The following ARHGAP29 variants were observed in gnomAD, a reference collection of about 807,000 sequenced individuals.
The protein encoded by ARHGAP29 is rho GTPase-activating protein 29.
A neutral mutation model predicts 122.6 loss-of-function variants in ARHGAP29; 43 were observed. That is an observed-to-expected ratio of 0.35 (90% confidence interval 0.27 to 0.45). The LOEUF (loss-of-function observed/expected upper bound fraction) is 0.45, where lower values mean the gene tolerates loss of function less well. Ranked by LOEUF, ARHGAP29 falls within the 20% of genes least tolerant of loss-of-function variation. ARHGAP29 has a pLI of 1.00. For synonymous variants in ARHGAP29, 506 were observed against 497.1 expected (o/e 1.02, Z -0.24); for missense variants, 1,303 against 1,477.2 (o/e 0.88, Z 1.93).
chr1:94,304,788 A>G, the ARHGAP29 span, among the ~76,000 whole-genome samples: 1 of 152,350 alleles, frequency 6.6e-6, no homozygotes, highest in East Asian at 1.9e-4. Flanking sequence ...TAAGAAAAGC[A>G]TGTATTATTC....
chr1:94,179,451 G>A (rs1202429762), intron 20 of ARHGAP29, among the ~76,000 whole-genome samples: 1 of 151,720 alleles, frequency 6.6e-6, no homozygotes, highest in East Asian at 1.9e-4. Context: ...AAAATTAGCT[G>A]GGCATGGTGG....
At chr1:94,207,390 A>C (rs1651271842) in intron 5 of ARHGAP29, among the ~76,000 whole-genome samples, 1 of 152,122 alleles carries the variant, frequency 6.6e-6, no homozygotes, top group Admixed American at 6.5e-5. Context: ...TTTTTATTCC[A>C]ATCTCTAAAA....
rs988783276 is a variant in ARHGAP29 at position 94,188,132 on chromosome 1, G to C, written c.1681+705C>G. Among the ~76,000 whole-genome samples the C allele has an allele frequency of 2.0e-5, 3 of 152,022 alleles. No homozygotes were observed. In the East Asian group the frequency reaches 5.8e-4, roughly 29 times the overall value. ...GAATGTTGGATGTAAGAATCTCATG[G>C]GTTCAACTGCTACCTTCTTCTCCCG... On this transcript the variant is annotated intron_variant, in intron 15 of 22. Transcript: ENST00000260526.
chr1:94,185,124 A>C, intron 17 of ARHGAP29, 64 bp from the exon 18 acceptor site: 1 of 1,445,260 alleles, frequency 6.9e-7, no homozygotes, highest in Non-Finnish European at 9.3e-7. Flanking sequence ...GGCAAACTGC[A>C]GGTGGAAGGT....
the ARHGAP29 span, among the ~76,000 whole-genome samples, chr1:94,292,888 G>A: frequency 2.6e-5 from 4 of 152,214 alleles, no homozygotes; most frequent in African/African-American, 2.4e-5. Flanking sequence ...ACTGGGAGGT[G>A]TCTCCCAATC....
the ARHGAP29 span, among the ~76,000 whole-genome samples, chr1:94,308,783 T>C: frequency 6.6e-6 from 1 of 152,212 alleles, no homozygotes; most frequent in Non-Finnish European, 1.5e-5. Context: ...TGGTGTCCAC[T>C]TGGCATTTAT....
At chr1:94,274,077 A>G (rs1469205180) in intron 1 of ARHGAP29, among the ~76,000 whole-genome samples, 2 of 152,184 alleles carry the variant, frequency 1.3e-5, no homozygotes, top group East Asian at 3.9e-4. Flanking sequence ...TAAGAAAACC[A>G]AGATTTAGAG....
intron 1 of ARHGAP29, among the ~76,000 whole-genome samples, chr1:94,272,050 C>G (rs1380795976): frequency 6.6e-6 from 1 of 152,104 alleles, no homozygotes; most frequent in African/African-American, 2.4e-5. Context: ...GATAATCCCT[C>G]ACTCAATTAT....
At chr1:94,198,551 T>C (rs964724342) in intron 12 of ARHGAP29, among the ~76,000 whole-genome samples, 13 of 152,102 alleles carry the variant, frequency 8.5e-5, no homozygotes, top group Non-Finnish European at 1.6e-4. Flanking sequence ...ACATATGCAC[T>C]TATGTGTACA....
chr1:94,173,832 CACA>C lies in ARHGAP29; in HGVS notation c.*34_*36del, dbSNP rs146805532. ...AAACAAGCACAATACCACAAAATAACACAACAACAACAAAAAAACCCTGAAATT... is the reference window on the plus strand; with the variant it reads ...AAACAAGCACAATACCACAAAATAACACAACAACAAAAAAACCCTGAAATT... On this transcript the variant is annotated 3_prime_UTR_variant, in exon 23 of 23. Coordinates refer to ENST00000260526, the MANE Select transcript of ARHGAP29 (RefSeq NM_004815.4). 3,030 of 1,554,462 alleles carry C rather than the reference CACA, an allele frequency of 1.9e-3. 38 individuals carry two copies. In the African/African-American group the frequency reaches 0.035, roughly 18 times the overall value.
At position 94,236,678 on chromosome 1, in the gene ARHGAP29, A is replaced by C. The variant is rs540252113; in HGVS notation, c.-33+737T>G. Among the ~76,000 whole-genome samples the C allele has an allele frequency of 2.5e-3, 382 of 151,860 alleles. 3 individuals are homozygous for C. The highest frequency in any genetic ancestry group is 0.011 in the East Asian group (59 of 5,170). ...TCCAACTCCAGCTCACCCGCCCCCC[A>C]AAAAATTTTTTTTTTTAATTAAAAC... is the stretch of plus-strand genomic sequence containing the variant. On this transcript the variant is annotated intron_variant, in intron 1 of 22. Transcript: ENST00000260526.
the ARHGAP29 span, among the ~76,000 whole-genome samples, chr1:94,309,523 T>G: frequency 5.9e-5 from 9 of 152,346 alleles, no homozygotes; most frequent in South Asian, 1.7e-3. Context: ...AGACACATTA[T>G]GCACAGATGA....
In ARHGAP29 at chr1:94,195,378, C is replaced by CT. The variant is rs1200830230; in HGVS notation, c.1282-5296dup. On this transcript the variant is annotated intron_variant, in intron 12 of 22. Transcript: ENST00000260526. ...AGGGGAGGTGTTATGAGCATCCACA[C>CT]TGTTTTTTCCTTCACAATGTTTTCT... 1.4e-4 allele frequency: 21 copies of CT among 152,268 alleles called. 1 individual carries two copies. The East Asian group carries it at 3.9e-3, about 28-fold the overall frequency. The allele number at this position is 152,268 out of a possible 1,614,324, so 9.4% of individuals were successfully genotyped here.
At chr1:94,296,620 G>C in the ARHGAP29 span, among the ~76,000 whole-genome samples, 1 of 152,126 alleles carries the variant, frequency 6.6e-6, no homozygotes, top group Admixed American at 6.5e-5. Flanking sequence ...CCTTGCTGGG[G>C]CTTCCCCATA....
intron 2 of ARHGAP29, among the ~76,000 whole-genome samples, chr1:94,226,984 A>G (rs1326506361): frequency 6.6e-6 from 1 of 151,960 alleles, no homozygotes; most frequent in Non-Finnish European, 1.5e-5. Context: ...ATTTGTCTGA[A>G]AAAGAAATTT....
At chr1:94,272,772 C>G (rs561928745) in intron 1 of ARHGAP29, among the ~76,000 whole-genome samples, 2 of 152,306 alleles carry the variant, frequency 1.3e-5, no homozygotes, top group East Asian at 3.9e-4. Context: ...CTCTTCCCAC[C>G]TATACCTGCT....
rs1648992596 is a variant in ARHGAP29 at position 94,174,844 on chromosome 1, G to A, written c.2906-95C>T. On this transcript the variant is annotated intron_variant, in intron 22 of 22. Coordinates refer to ENST00000260526, the MANE Select transcript of ARHGAP29 (RefSeq NM_004815.4). ...TGAACACTCTATCAAGACAATATGA[G>A]TCTTACATATTTTTTCCAAAATAAT... 3.7e-6 allele frequency: 5 copies of A among 1,337,166 alleles called. No individual in the cohort carries two copies. The Middle Eastern group carries it at 9.5e-4, about 255-fold the overall frequency. The allele number at this position is 1,337,166 out of a possible 1,614,324, so 82.8% of individuals were successfully genotyped here.
chr1:94,303,283 C>T, the ARHGAP29 span, among the ~76,000 whole-genome samples: 1 of 152,170 alleles, frequency 6.6e-6, no homozygotes, highest in African/African-American at 2.4e-5. Flanking sequence ...GCCTTGAGGA[C>T]ATTATGCTAA....
At chr1:94,267,942 G>T (rs565425665) in intron 1 of ARHGAP29, among the ~76,000 whole-genome samples, 8 of 152,278 alleles carry the variant, frequency 5.3e-5, no homozygotes, top group Middle Eastern at 3.4e-3. Context: ...GCTGCTAGAT[G>T]AAATAACTAC....
Sources: allele counts gnomAD v4.1 joint callset (sites outside exome capture counted in the v4.1 genomes callset), GRCh38; gene constraint gnomAD v4.1.1; transcripts MANE v1.5; gene names NCBI Gene and HGNC (gene_info 2026-07-23, HGNC 2026-07-21).